Variants in SNX13 observed in about 807,000 individuals in gnomAD.
SNX13 encodes the protein sorting nexin-13.
Under a neutral mutation model 133.6 loss-of-function variants are expected in SNX13, and 45 were observed. The ratio of observed to expected loss-of-function variants is 0.34; its 90% confidence interval spans 0.27 to 0.43. The LOEUF is 0.43. Among genes scored for constraint, SNX13 ranks in the 20% least tolerant of loss-of-function variants. SNX13 has a pLI of 1.00. For synonymous variants in SNX13, 414 were observed against 373.9 expected (o/e 1.11, Z -1.24); for missense variants, 1,032 against 1,145.1 (o/e 0.90, Z 1.43).
chr7:17,882,949 T>TCAAAAA (rs779583148), intron 5 of SNX13: 22 of 633,784 alleles, frequency 3.5e-5, no homozygotes, highest in African/African-American at 2.8e-4. Flanking sequence ...AGACTCTGTC[T>TCAAAAA]CAAAAACAAA....
At chr7:17,911,936 G>A (rs1158579738) in intron 1 of SNX13, among the ~76,000 whole-genome samples, 1 of 152,142 alleles carries the variant, frequency 6.6e-6, no homozygotes, top group Admixed American at 6.5e-5. Flanking sequence ...ATACTCAAGA[G>A]TATCACATAG....
chr7:17,805,250 T>TGTGTGTGTGTGC lies in SNX13; in HGVS notation c.2065-1671_2065-1670insGCACACACACAC. Among the ~76,000 whole-genome samples the TGTGTGTGTGTGC allele has an allele frequency of 4.7e-3, 451 of 95,534 alleles. 4 individuals are homozygous for TGTGTGTGTGTGC. Among genetic ancestry groups the TGTGTGTGTGTGC allele is most frequent in the African/African-American group, 8.6e-3 (274 of 31,834 alleles). The allele number at this position is 95,534 out of a possible 152,430, so 62.7% of individuals were successfully genotyped here. A position where few individuals can be genotyped will look rare whatever the true frequency, so the allele number is the denominator to read the frequency against. ...GTGTGTGTGTGTGTGTGTGTGTGTG[T>TGTGTGTGTGTGC]GCGTGCGCGCGCGCGCATGCATGCA... On this transcript the variant is annotated intron_variant, in intron 20 of 25. Coordinates refer to ENST00000428135, the MANE Select transcript of SNX13 (RefSeq NM_015132.5).
intron 1 of SNX13, among the ~76,000 whole-genome samples, chr7:17,917,364 C>A (rs1205327398): frequency 6.6e-6 from 1 of 152,110 alleles, no homozygotes; most frequent in East Asian, 1.9e-4. Flanking sequence ...AAGAAGAAGT[C>A]AAATAATTTC....
intron 12 of SNX13, among the ~76,000 whole-genome samples, chr7:17,842,497 T>C (rs1487918475): frequency 1.3e-5 from 2 of 152,074 alleles, no homozygotes; most frequent in Non-Finnish European, 2.9e-5. Context: ...AGTAACTTAG[T>C]ACTTTGAAAT....
At chr7:17,861,258 C>T (rs1792636784) in intron 9 of SNX13, among the ~76,000 whole-genome samples, 1 of 151,980 alleles carries the variant, frequency 6.6e-6, no homozygotes, top group South Asian at 2.1e-4. Flanking sequence ...CCCTTTCACC[C>T]CGCCCCTGCC....
intron 20 of SNX13, among the ~76,000 whole-genome samples, chr7:17,813,132 A>C (rs1786246592): frequency 6.6e-6 from 1 of 152,084 alleles, no homozygotes. Flanking sequence ...AAAATGAAAA[A>C]AAAGTGTTGT....
chr7:17,927,029 A>T (rs146776901), intron 1 of SNX13, among the ~76,000 whole-genome samples: 244 of 152,296 alleles, frequency 1.6e-3, no homozygotes, highest in African/African-American at 5.5e-3. Flanking sequence ...ATTTTAAAGC[A>T]AGAATGTAAT....
intron 8 of SNX13, among the ~76,000 whole-genome samples, chr7:17,869,392 G>T (rs1445123015): frequency 1.3e-5 from 2 of 152,050 alleles, no homozygotes; most frequent in African/African-American, 4.8e-5. Context: ...TAGAAAAAAA[G>T]AAACTAAGAA....
chr7:17,893,887 G>A (rs1369082205), intron 2 of SNX13, among the ~76,000 whole-genome samples: 3 of 150,726 alleles, frequency 2.0e-5, no homozygotes, highest in African/African-American at 4.9e-5. Context: ...CAGGAGAATC[G>A]CTGGAACCTG....
intron 16 of SNX13, among the ~76,000 whole-genome samples, chr7:17,827,144 CAT>C (rs1787999678): frequency 6.6e-6 from 1 of 152,022 alleles, no homozygotes; most frequent in Admixed American, 6.6e-5. Context: ...CAACATTTCA[CAT>C]GTGTTGTCTT....
At chr7:17,803,383 A>G (rs763109826) in intron 21 of SNX13, 36 bp downstream of exon 21, 2 of 1,550,618 alleles carry the variant, frequency 1.3e-6, no homozygotes, top group Non-Finnish European at 1.7e-6. Flanking sequence ...ACTTAAAAAT[A>G]GTTTGCTTTA....
chr7:17,797,241 A>T (rs1441628777), intron 24 of SNX13, among the ~76,000 whole-genome samples: 1 of 151,878 alleles, frequency 6.6e-6, no homozygotes, highest in Non-Finnish European at 1.5e-5. Context: ...AGCCATTTAA[A>T]CTCAAAGTGG....
At chr7:17,919,112 C>G (rs969831961) in intron 1 of SNX13, among the ~76,000 whole-genome samples, 1 of 152,102 alleles carries the variant, frequency 6.6e-6, no homozygotes, top group African/African-American at 2.4e-5. Flanking sequence ...TGGAGGGAGC[C>G]AAGGGTTGAA....
chr7:17,913,760 C>CAAAAAAAAA (rs71010278), intron 1 of SNX13, among the ~76,000 whole-genome samples: 31 of 54,076 alleles, frequency 5.7e-4, no homozygotes, highest in African/African-American at 9.6e-4. Context: ...TTAACAAAAA[C>CAAAAAAAAA]AAAAAAAAAA....
At chr7:17,805,257 GCGCGCGCGCATGCATGCA>G (rs550206329) in intron 20 of SNX13, among the ~76,000 whole-genome samples, 43 of 146,994 alleles carry the variant, frequency 2.9e-4, no homozygotes, top group Non-Finnish European at 4.8e-4. Context: ...GTGTGCGTGC[GCGCGCGCGCATGCATGCA>G]CATGTGTAAT....
chr7:17,905,099 G>A (rs772447066), intron 1 of SNX13, among the ~76,000 whole-genome samples: 2 of 152,158 alleles, frequency 1.3e-5, no homozygotes, highest in African/African-American at 4.8e-5. Flanking sequence ...GATGGCTTCA[G>A]ATACAATGCT....
At chr7:17,808,767 C>A (rs1233242896) in intron 20 of SNX13, among the ~76,000 whole-genome samples, 2 of 152,150 alleles carry the variant, frequency 1.3e-5, no homozygotes, top group Admixed American at 1.3e-4. Flanking sequence ...TTGGCAGAAT[C>A]CCTACAAGCC....
rs571444279 is a variant in SNX13 at position 17,791,784 on chromosome 7, G to T, written c.*2261C>A. On this transcript the variant is annotated 3_prime_UTR_variant, in exon 26 of 26. Transcript: ENST00000428135. ...AATATTTTACACACAGCTTGACCAAGTCATTCAAAAAGTTATCTCTAATTT... is the reference window on the plus strand; with the variant it reads ...AATATTTTACACACAGCTTGACCAATTCATTCAAAAAGTTATCTCTAATTT... 5 of 151,996 alleles carry T rather than the reference G, an allele frequency of 3.3e-5. No homozygotes were observed. The South Asian group carries it at 1.0e-3, about 31-fold the overall frequency. 9.4% of individuals were successfully genotyped at this position (151,996 alleles called of 1,614,324 possible).
intron 8 of SNX13, among the ~76,000 whole-genome samples, chr7:17,872,800 T>C (rs146860564): frequency 2.0e-4 from 30 of 152,332 alleles, no homozygotes; most frequent in African/African-American, 6.7e-4. Context: ...CTTTTCACGT[T>C]ACGCATTCAA....
Sources: gnomAD v4.1 joint callset for allele counts (sites outside exome capture counted in the v4.1 genomes callset) on GRCh38, gnomAD v4.1.1 for gene constraint, MANE v1.5 for transcripts, NCBI Gene and HGNC (gene_info 2026-07-23, HGNC 2026-07-21) for gene names.